The following TESMIN variants were observed in gnomAD, a reference collection of about 807,000 sequenced individuals.
TESMIN encodes the protein testis expressed metallothionein like protein.
A neutral mutation model predicts 47.4 loss-of-function variants in TESMIN; 34 were observed. The observed-to-expected ratio is 0.72, with a 90% CI of 0.55 to 0.96. The LOEUF is 0.96. Among genes scored for constraint, TESMIN ranks in the 40% least tolerant of loss-of-function variants. The probability of loss-of-function intolerance (pLI) is 0.00; values close to 1 mark genes in which losing one functional copy is unlikely to be tolerated. For missense variants in TESMIN, 610 were observed against 637.2 expected, an observed-to-expected ratio of 0.96 and a Z score of 0.46; for synonymous variants, 278 against 258.9, an observed-to-expected ratio of 1.07 and a Z score of -0.71.
intron 7 of TESMIN, among the ~76,000 whole-genome samples, chr11:68,714,493 G>C (rs1425172586): frequency 6.6e-6 from 1 of 152,240 alleles, no homozygotes. Context: ...TTCAGACATA[G>C]AGGGCTTTAG....
intron 6 of TESMIN, among the ~76,000 whole-genome samples, chr11:68,726,185 C>T (rs142654425): frequency 1.7e-3 from 266 of 152,232 alleles, no homozygotes; most frequent in African/African-American, 5.5e-3. Flanking sequence ...ACCAGAACTG[C>T]GGAGGGCTCT....
chr11:68,716,687 G>A (rs1946143507), intron 6 of TESMIN, among the ~76,000 whole-genome samples: 1 of 152,342 alleles, frequency 6.6e-6, no homozygotes, highest in African/African-American at 2.4e-5. Flanking sequence ...CTTGTAAGAC[G>A]CCTGCTCCTG....
chr11:68,724,077 T>A (rs1946233735), intron 6 of TESMIN, among the ~76,000 whole-genome samples: 2 of 152,022 alleles, frequency 1.3e-5, no homozygotes, highest in South Asian at 4.1e-4. Flanking sequence ...GATACCAAAA[T>A]GAAAGAATAT....
In TESMIN at chr11:68,726,378, A is replaced by C. The variant is rs1411935642; in HGVS notation, c.918-10439T>G. The stretch of plus-strand genomic sequence containing the variant: ...AAGTTGGAAGTGCCACCAAGCTCCA[A>C]GTGGAAGCAAACAAACCTTCTCTGA... On this transcript the variant is annotated intron_variant, in intron 6 of 9. Coordinates refer to ENST00000255087, the MANE Select transcript of TESMIN (RefSeq NM_004923.3). 4.6e-5 allele frequency among the ~76,000 whole-genome samples: 7 copies of C among 152,324 alleles called. No homozygotes were observed. In the South Asian group the frequency reaches 1.5e-3, roughly 32 times the overall value.
intron 6 of TESMIN, among the ~76,000 whole-genome samples, chr11:68,717,147 T>C (rs1322591730): frequency 1.3e-5 from 2 of 152,258 alleles, no homozygotes; most frequent in East Asian, 3.8e-4. Context: ...CAAACACAAT[T>C]CTTTTCATAA....
rs552149999 is a variant in TESMIN, at chr11:68,708,101, C to G, written c.*207G>C. On this transcript the variant is annotated 3_prime_UTR_variant, in exon 10 of 10. Coordinates refer to ENST00000255087, the MANE Select transcript of TESMIN (RefSeq NM_004923.3). ...CCCAAGCTCTCTCCTCTGGGCCAGA[C>G]AAACAATGCTCAGGCCATGCACCTC... The G allele has an allele frequency of 1.1e-5, 6 of 569,232 alleles. No homozygotes were observed. In the South Asian group the frequency reaches 1.3e-4, roughly 12 times the overall value. 35.3% of individuals were successfully genotyped at this position (569,232 alleles called of 1,614,324 possible).
At chr11:68,727,256 C>T (rs1289629212) in intron 6 of TESMIN, among the ~76,000 whole-genome samples, 1 of 152,178 alleles carries the variant, frequency 6.6e-6, no homozygotes, top group Non-Finnish European at 1.5e-5. Context: ...GCCTTGCCAA[C>T]ATGGCGAAAA....
intron 6 of TESMIN, among the ~76,000 whole-genome samples, chr11:68,723,184 G>A (rs1455884414): frequency 6.6e-6 from 1 of 151,732 alleles, no homozygotes; most frequent in Non-Finnish European, 1.5e-5. Context: ...AAGAATTGAC[G>A]TACAGACTAC....
chr11:68,740,871 C>T (rs1371028828), intron 5 of TESMIN, among the ~76,000 whole-genome samples: 1 of 152,136 alleles, frequency 6.6e-6, no homozygotes, highest in African/African-American at 2.4e-5. Flanking sequence ...TCTGAGGCAT[C>T]CCAAATTTAA....
At chr11:68,736,819 AAGG>A (rs1946392266) in intron 6 of TESMIN, 7 of 974,254 alleles carry the variant, frequency 7.2e-6, no homozygotes, top group Middle Eastern at 4.9e-4. Flanking sequence ...CGAGAAGAGG[AAGG>A]AGGAGGAGGA....
At chr11:68,730,743 C>G (rs1045099216) in intron 6 of TESMIN, among the ~76,000 whole-genome samples, 1 of 148,300 alleles carries the variant, frequency 6.7e-6, no homozygotes, top group Non-Finnish European at 1.5e-5. Context: ...TGCAGTGAGC[C>G]GAGATCACAC....
chr11:68,724,783 T>C (rs1424618062), intron 6 of TESMIN, among the ~76,000 whole-genome samples: 1 of 152,228 alleles, frequency 6.6e-6, no homozygotes, highest in Non-Finnish European at 1.5e-5. Context: ...ACCATATTAG[T>C]CCTGAAATGG....
intron 6 of TESMIN, among the ~76,000 whole-genome samples, chr11:68,719,083 T>C (rs1310803103): frequency 6.6e-6 from 1 of 152,118 alleles, no homozygotes; most frequent in East Asian, 1.9e-4. Context: ...CTTAGCATGA[T>C]AGTAGAGGGG....
At chr11:68,727,090 A>C (rs866253287) in intron 6 of TESMIN, among the ~76,000 whole-genome samples, 16 of 151,902 alleles carry the variant, frequency 1.1e-4, no homozygotes, top group Admixed American at 3.3e-4. Context: ...AAATAATGAA[A>C]TGAAACTGAG....
intron 6 of TESMIN, among the ~76,000 whole-genome samples, chr11:68,724,761 C>T (rs1946242106): frequency 6.6e-6 from 1 of 152,192 alleles, no homozygotes; most frequent in Admixed American, 6.5e-5. Context: ...GAGACAATAA[C>T]ATTGATTAGC....
chr11:68,739,721 C>T (rs900559141), intron 5 of TESMIN, among the ~76,000 whole-genome samples: 7 of 152,154 alleles, frequency 4.6e-5, no homozygotes, highest in African/African-American at 1.7e-4. Context: ...TCTTAAGTCC[C>T]CAGGCTTCTT....
intron 2 of TESMIN, among the ~76,000 whole-genome samples, chr11:68,749,914 T>A (rs1474306495): frequency 3.9e-5 from 6 of 152,190 alleles, no homozygotes; most frequent in African/African-American, 9.7e-5. Context: ...CCCCTTTTTT[T>A]GTTGTCCGCC....
chr11:68,732,269 C>T (rs892227852), intron 6 of TESMIN, among the ~76,000 whole-genome samples: 8 of 152,204 alleles, frequency 5.3e-5, no homozygotes, highest in African/African-American at 1.9e-4. Flanking sequence ...TTACATGTGT[C>T]GGTCACCAAT....
intron 6 of TESMIN, among the ~76,000 whole-genome samples, chr11:68,735,730 C>A (rs867875197): frequency 2.0e-5 from 3 of 152,194 alleles, no homozygotes; most frequent in Admixed American, 1.3e-4. Flanking sequence ...TGTGCTACAC[C>A]GACTGTAAAC....
Sources: allele counts gnomAD v4.1 joint callset (sites outside exome capture counted in the v4.1 genomes callset), GRCh38; gene constraint gnomAD v4.1.1; transcripts MANE v1.5; gene names NCBI Gene and HGNC (gene_info 2026-07-23, HGNC 2026-07-21).